Variants in TRIO observed in about 807,000 individuals in gnomAD.
TRIO encodes trio Rho guanine nucleotide exchange factor.
Under a neutral mutation model 351.9 loss-of-function variants are expected in TRIO, and 58 were observed. The observed-to-expected ratio is 0.16, with a 90% confidence interval of 0.13 to 0.21. The LOEUF (loss-of-function observed/expected upper bound fraction) is 0.21. TRIO is among the 10% of genes least tolerant of loss of function. The pLI, the probability that TRIO is intolerant of heterozygous loss-of-function variation, is 1.00. For synonymous variants in TRIO, 1,758 were observed against 1,595.7 expected, an observed-to-expected ratio of 1.10 and a Z score of -2.42; for missense variants, 3,201 against 4,027.8, an observed-to-expected ratio of 0.79 and a Z score of 5.56.
chr5:14,270,663 T>C (rs1383821681), intron 1 of TRIO, among the ~76,000 whole-genome samples, 162 bp from the exon 2 acceptor site: 1 of 152,244 alleles, frequency 6.6e-6, no homozygotes, highest in African/African-American at 2.4e-5. Context: ...GACAGTTTTG[T>C]GATCACAGAC....
At chr5:14,180,927 G>A (rs1789729493) in intron 1 of TRIO, among the ~76,000 whole-genome samples, 1 of 151,904 alleles carries the variant, frequency 6.6e-6, no homozygotes, top group South Asian at 2.1e-4. Context: ...CTTATTTTCT[G>A]TATATACTAA....
chr5:14,217,641 T>A (rs1156980031), intron 1 of TRIO, among the ~76,000 whole-genome samples: 2 of 152,198 alleles, frequency 1.3e-5, no homozygotes, highest in Non-Finnish European at 2.9e-5. Context: ...CCTGACTAAA[T>A]TAATGAGAAA....
At chr5:14,357,134 A>G (rs1204030329) in intron 11 of TRIO, among the ~76,000 whole-genome samples, 3 of 152,254 alleles carry the variant, frequency 2.0e-5, no homozygotes, top group African/African-American at 4.8e-5. Context: ...GCTTGGAAAC[A>G]GAAGACCACA....
chr5:14,334,135 A>G (rs1741177833), intron 10 of TRIO, among the ~76,000 whole-genome samples: 1 of 152,216 alleles, frequency 6.6e-6, no homozygotes, highest in Non-Finnish European at 1.5e-5. Context: ...GAAATGGGAA[A>G]TCAGGTAGTA....
intron 43 of TRIO, among the ~76,000 whole-genome samples, 179 bp downstream of exon 43, chr5:14,480,190 G>A (rs1755410196): frequency 6.6e-6 from 1 of 151,620 alleles, no homozygotes; most frequent in Non-Finnish European, 1.5e-5. Context: ...TGAGGTGGCG[G>A]GACAGACTCT....
At chr5:14,237,421 TGTGA>T (rs1321740128) in intron 1 of TRIO, among the ~76,000 whole-genome samples, 2 of 152,150 alleles carry the variant, frequency 1.3e-5, no homozygotes, top group Non-Finnish European at 2.9e-5. Context: ...GTGGGGCTGT[TGTGA>T]GTGTCGTGTG....
At chr5:14,201,375 A>G (rs944979278) in intron 1 of TRIO, among the ~76,000 whole-genome samples, 2 of 152,248 alleles carry the variant, frequency 1.3e-5, no homozygotes, top group Admixed American at 6.5e-5. Context: ...AGTTAAAATC[A>G]CACCTTGGTT....
Position 14,498,621 on chromosome 5 carries a change from G to A in TRIO, c.8313G>A (p.Ser2771=), listed in dbSNP as rs1476585500. The change falls in exon 53 of 57, where the codon TCG becomes TCA. Residue 2771 remains serine, a synonymous_variant. Coordinates refer to ENST00000344204, the MANE Select transcript of TRIO (RefSeq NM_007118.4). ...ATGACATGGGTTCAGCCTCATCGTC[G>A]GCCAGCCTGAGGGTCCTAGGTAAGC... ...AVNDMGSASS[S]ASLRVLGPGM... is the part of the protein sequence containing the mutation. 4.3e-6 allele frequency: 7 copies of A among 1,613,906 alleles called. No homozygotes were observed. Among genetic ancestry groups the A allele is most frequent in the East Asian group, 2.2e-5 (1 of 44,874 alleles).
At chr5:14,164,252 C>T (rs1788638764) in intron 1 of TRIO, among the ~76,000 whole-genome samples, 1 of 152,154 alleles carries the variant, frequency 6.6e-6, no homozygotes, top group South Asian at 2.1e-4. Context: ...GAAAAACAGT[C>T]TTATCAGAAG....
At chr5:14,459,752 G>T (rs775539996) in intron 34 of TRIO, among the ~76,000 whole-genome samples, 51 of 151,906 alleles carry the variant, frequency 3.4e-4, no homozygotes, top group Admixed American at 4.6e-4. Context: ...ACAAAACAAA[G>T]AAAAATTGGA....
intron 34 of TRIO, among the ~76,000 whole-genome samples, chr5:14,438,077 A>G (rs1165948442): frequency 1.3e-5 from 2 of 152,236 alleles, no homozygotes; most frequent in African/African-American, 4.8e-5. Context: ...TATCAAAAAT[A>G]CCAAAAAACA....
In TRIO at chr5:14,336,436, A is replaced by G. The variant is rs539092394; in HGVS notation, c.1855-100A>G. 2.3e-4 allele frequency: 286 copies of G among 1,255,042 alleles called. 2 individuals are homozygous for G. Among genetic ancestry groups the G allele is most frequent in the Admixed American group, 1.7e-3 (81 of 46,552 alleles). The allele number at this position is 1,255,042 out of a possible 1,614,324, so 77.7% of individuals were successfully genotyped here. A position where few individuals can be genotyped will look rare whatever the true frequency, so the allele number is the denominator to read the frequency against. ...TGTTTGATTCATGTAAGTGATCAAA[A>G]ATATCACAAATTGACTGTGTTGCTA... On this transcript the variant is annotated intron_variant, in intron 10 of 56. Coordinates refer to ENST00000344204, the MANE Select transcript of TRIO (RefSeq NM_007118.4).
rs145412651 is a variant in TRIO at position 14,451,963 on chromosome 5, G to A, written c.5204-9056G>A. ...GCTAAAATCCTTTGGGGGAGACAGC[G>A]TGGAGAATTTGCAATGCAAGACAGA... On this transcript the variant is annotated intron_variant, in intron 34 of 56. Transcript: ENST00000344204. Among the ~76,000 whole-genome samples the A allele has an allele frequency of 8.5e-5, 13 of 152,370 alleles. No individual in the cohort carries two copies. In the South Asian group the frequency reaches 1.4e-3, roughly 17 times the overall value.
intron 11 of TRIO, among the ~76,000 whole-genome samples, chr5:14,348,990 C>T (rs537694481): frequency 5.9e-4 from 64 of 108,454 alleles, no homozygotes; most frequent in African/African-American, 1.7e-3. Flanking sequence ...TATATGTGTG[C>T]GCACGCACAT....
At chr5:14,217,992 ACT>A (rs1197824954) in intron 1 of TRIO, among the ~76,000 whole-genome samples, 16 of 152,228 alleles carry the variant, frequency 1.1e-4, no homozygotes, top group Non-Finnish European at 8.8e-5. Context: ...TTGAAAGAAG[ACT>A]CTGCTTTTCT....
In TRIO at chr5:14,497,503, G is replaced by A. The variant is rs1756981488; in HGVS notation, c.8020-344G>A. 6.6e-6 allele frequency among the ~76,000 whole-genome samples: 1 copy of A among 152,166 alleles called. No individual in the cohort carries two copies. Among genetic ancestry groups the A allele is most frequent in the Non-Finnish European group, 1.5e-5 (1 of 68,020 alleles). On this transcript the variant is annotated intron_variant, in intron 50 of 56. Transcript: ENST00000344204. The surrounding 1 kb of genome is among the most constrained non-coding windows in gnomAD (Gnocchi z 4.4). ...ACACCTGCGGTGGGGGTTGCCTGGA[G>A]AAAAAGAAGGTATCTCCTGAAAGGG...
rs1561202207 is a variant in TRIO, at chr5:14,207,361, C to CACACACAG, written c.158-63463_158-63462insCACACAGA. Among the ~76,000 whole-genome samples, 4 of 10,100 alleles carry CACACACAG rather than the reference C, an allele frequency of 4.0e-4. 1 individual carries two copies. The highest frequency in any genetic ancestry group is 1.2e-3 in the African/African-American group (4 of 3,430). The allele number at this position is 10,100 out of a possible 152,430, so 6.6% of individuals were successfully genotyped here. A position where few individuals can be genotyped will look rare whatever the true frequency, so the allele number is the denominator to read the frequency against. The stretch of plus-strand genomic sequence containing the variant: ...ACACACACACACACACACACACACA[C>CACACACAG]AGAGCCAGGTAGCATAGCAAGACTG... On this transcript the variant is annotated intron_variant, in intron 1 of 56. Coordinates refer to ENST00000344204, the MANE Select transcript of TRIO (RefSeq NM_007118.4).
At chr5:14,202,516 CTG>C (rs1400762064) in intron 1 of TRIO, among the ~76,000 whole-genome samples, 1 of 151,572 alleles carries the variant, frequency 6.6e-6, no homozygotes, top group Non-Finnish European at 1.5e-5. Context: ...TATGCTTTGA[CTG>C]TGTCCAAACC....
chr5:14,457,859 G>A (rs142809671), intron 34 of TRIO, among the ~76,000 whole-genome samples: 466 of 152,178 alleles, frequency 3.1e-3, no homozygotes, highest in African/African-American at 0.011. Flanking sequence ...CTTGGTAGGT[G>A]TCACTTAGGC....
Sources: gnomAD v4.1 joint callset for allele counts (sites outside exome capture counted in the v4.1 genomes callset) on GRCh38, gnomAD v4.1.1 for gene constraint, Gnocchi (gnomAD v3.1) non-coding constraint, MANE v1.5 for transcripts, NCBI Gene and HGNC (gene_info 2026-07-23, HGNC 2026-07-21) for gene names.